CYB5R4: variants seen among roughly 807,000 people sequenced by gnomAD.
CYB5R4 encodes N-terminal cytochrome b5 and cytochrome b5 oxidoreductase domain-containing protein.
In CYB5R4, 55 loss-of-function variants were observed where a neutral mutation model predicts 70.2. The ratio of observed to expected loss-of-function variants is 0.78; its 90% CI spans 0.63 to 0.98. The LOEUF (loss-of-function observed/expected upper bound fraction) is 0.98. CYB5R4 is among the 50% of genes least tolerant of loss of function. The probability of loss-of-function intolerance (pLI) is 0.00; values close to 1 mark genes in which losing one functional copy is unlikely to be tolerated. For synonymous variants in CYB5R4, 197 were observed against 199.5 expected (o/e 0.99, Z 0.11); for missense variants, 562 against 612.6 (o/e 0.92, Z 0.87).
chr6:83,925,127 G>A (rs947700047), intron 10 of CYB5R4, among the ~76,000 whole-genome samples: 1 of 152,100 alleles, frequency 6.6e-6, no homozygotes, highest in African/African-American at 2.4e-5. Context: ...GCATGGTCCT[G>A]GCATTTGCTT....
In CYB5R4 at chr6:83,963,333, T is replaced by C. The variant is rs888912286; in HGVS notation, c.*3455T>C. ...CCCACCCCAAAAGAGTCAACTTCAT[T>C]ATGCTGGCAAAGGCATGGGTACAAC... is the stretch of plus-strand genomic sequence containing the variant. On this transcript the variant is annotated 3_prime_UTR_variant, in exon 16 of 16. Coordinates refer to ENST00000369681, the MANE Select transcript of CYB5R4 (RefSeq NM_016230.4). 1 of 152,218 alleles carries C rather than the reference T, an allele frequency of 6.6e-6. No homozygotes were observed. Among genetic ancestry groups the C allele is most frequent in the African/African-American group, 2.4e-5 (1 of 41,450 alleles). The allele number at this position is 152,218 out of a possible 1,614,324, so 9.4% of individuals were successfully genotyped here. A position where few individuals can be genotyped will look rare whatever the true frequency, so the allele number is the denominator to read the frequency against.
At position 83,960,840 on chromosome 6, in the gene CYB5R4, C is replaced by T. The variant is rs1456217778; in HGVS notation, c.*962C>T. The T allele has an allele frequency of 1.3e-5, 2 of 152,210 alleles. No homozygotes were observed. The highest frequency in any genetic ancestry group is 6.5e-5 in the Admixed American group (1 of 15,280). The allele number at this position is 152,210 out of a possible 1,614,324, so 9.4% of individuals were successfully genotyped here. A position where few individuals can be genotyped will look rare whatever the true frequency, so the allele number is the denominator to read the frequency against. ...GCATGTGGGCAACTTATTTTCTCTTCCTGCTGCTTTGTGCAACTGTCAAAT... is the reference window on the plus strand; with the variant it reads ...GCATGTGGGCAACTTATTTTCTCTTTCTGCTGCTTTGTGCAACTGTCAAAT... On this transcript the variant is annotated 3_prime_UTR_variant, in exon 16 of 16. Coordinates refer to ENST00000369681, the MANE Select transcript of CYB5R4 (RefSeq NM_016230.4).
intron 10 of CYB5R4, among the ~76,000 whole-genome samples, chr6:83,930,153 T>C (rs936480847): frequency 6.6e-6 from 1 of 152,140 alleles, no homozygotes; most frequent in Non-Finnish European, 1.5e-5. Flanking sequence ...TCATAATCTT[T>C]TTGCTGGTGG....
intron 2 of CYB5R4, among the ~76,000 whole-genome samples, chr6:83,888,055 A>T (rs971832226): frequency 6.6e-6 from 1 of 152,210 alleles, no homozygotes; most frequent in Admixed American, 6.5e-5. Flanking sequence ...TATCAATTTG[A>T]GATTATATCT....
At chr6:83,917,558 G>A (rs953443224) in intron 5 of CYB5R4, among the ~76,000 whole-genome samples, 2 of 152,114 alleles carry the variant, frequency 1.3e-5, no homozygotes, top group Non-Finnish European at 2.9e-5. Context: ...CCAAGCTGAT[G>A]AATTCAGTAG....
intron 3 of CYB5R4, among the ~76,000 whole-genome samples, chr6:83,900,007 A>G (rs2099462625): frequency 6.6e-6 from 1 of 151,998 alleles, no homozygotes; most frequent in African/African-American, 2.4e-5. Context: ...GCCTTCTGCT[A>G]GCTTTTGAAT....
chr6:83,864,406 T>C lies in CYB5R4; in HGVS notation c.229+78T>C, dbSNP rs994763953. Reference sequence around the variant, plus strand: ...ATGATGTTACATAACCTCACAGTCATGTTATTTTAAACAATTGACAATTTA... The same window carrying C: ...ATGATGTTACATAACCTCACAGTCACGTTATTTTAAACAATTGACAATTTA... On this transcript the variant is annotated intron_variant, in intron 2 of 15. Coordinates refer to ENST00000369681, the MANE Select transcript of CYB5R4 (RefSeq NM_016230.4). The C allele has an allele frequency of 1.0e-5, 13 of 1,300,994 alleles. No homozygotes were observed. The African/African-American group carries it at 1.8e-4, about 18-fold the overall frequency. 80.6% of individuals were successfully genotyped at this position (1,300,994 alleles called of 1,614,324 possible). A position where few individuals can be genotyped will look rare whatever the true frequency, so the allele number is the denominator to read the frequency against.
rs958748593 is a variant in CYB5R4 at position 83,937,380 on chromosome 6, A to G, written c.1108+1004A>G. The stretch of plus-strand genomic sequence containing the variant: ...AACCCTCAATAACTAACATTTGTTC[A>G]TAGCTCTTTTATAAGAATAAATATA... On this transcript the variant is annotated intron_variant, in intron 12 of 15. Transcript: ENST00000369681. Among the ~76,000 whole-genome samples the G allele has an allele frequency of 4.6e-5, 7 of 152,332 alleles. No individual in the cohort carries two copies. The South Asian group carries it at 1.0e-3, about 23-fold the overall frequency.
chr6:83,882,467 C>T (rs1562829545), intron 2 of CYB5R4, among the ~76,000 whole-genome samples: 3 of 152,194 alleles, frequency 2.0e-5, no homozygotes, highest in Non-Finnish European at 1.5e-5. Flanking sequence ...TGTGTCCAGT[C>T]GAGTTAATTG....
chr6:83,934,473 G>A, intron 10 of CYB5R4, 122 bp from the exon 11 acceptor site: 1 of 615,654 alleles, frequency 1.6e-6, no homozygotes, highest in Non-Finnish European at 2.7e-6. Flanking sequence ...TAAATGTATA[G>A]GCATTTTAGT....
chr6:83,878,953 A>G (rs1272711511), intron 2 of CYB5R4, among the ~76,000 whole-genome samples: 1 of 152,024 alleles, frequency 6.6e-6, no homozygotes, highest in African/African-American at 2.4e-5. Flanking sequence ...CTTACCCTAT[A>G]TATCTTTGCA....
chr6:83,871,990 A>G (rs2099457713), intron 2 of CYB5R4, among the ~76,000 whole-genome samples: 1 of 151,502 alleles, frequency 6.6e-6, no homozygotes, highest in Non-Finnish European at 1.5e-5. Flanking sequence ...TTGTTGTTTC[A>G]TTACTTGTTG....
rs1298336747 is a variant in CYB5R4 at position 83,924,518 on chromosome 6, A to C, written c.740A>C (p.Lys247Thr). The C allele has an allele frequency of 3.1e-6, 5 of 1,613,700 alleles. No homozygotes were observed. The African/African-American group carries it at 6.7e-5, about 22-fold the overall frequency. The change falls in exon 10 of 16, where the codon AAA becomes ACA. Residue 247 changes from lysine to threonine, a missense_variant. Transcript: ENST00000369681. ...VGKIEIVLQKKENTSWDFLGH... is the reference protein window; with the variant it reads ...VGKIEIVLQKTENTSWDFLGH... ...AAAATAGAGATTGTTCTACAAAAAA[A>C]AGAGAATACTTCTTGGGACTTTCTT...
intron 3 of CYB5R4, among the ~76,000 whole-genome samples, chr6:83,901,709 T>A (rs2099462999): frequency 6.6e-6 from 1 of 151,902 alleles, no homozygotes; most frequent in South Asian, 2.1e-4. Flanking sequence ...TTTCTTGTTT[T>A]TTTTTTTGTA....
chr6:83,924,383 A>C, intron 9 of CYB5R4, 87 bp from the exon 10 acceptor site: 1 of 1,373,386 alleles, frequency 7.3e-7, no homozygotes, highest in Non-Finnish European at 1.0e-6. Flanking sequence ...AGATCAGGAC[A>C]CTTGTACTAT....
intron 8 of CYB5R4, 65 bp downstream of exon 8, chr6:83,921,240 T>C (rs2099466328): frequency 1.5e-6 from 2 of 1,325,184 alleles, no homozygotes; most frequent in South Asian, 1.4e-5. Flanking sequence ...AATAACTTGG[T>C]CTACAGTCTA....
chr6:83,931,928 C>A (rs891836535), intron 10 of CYB5R4, among the ~76,000 whole-genome samples: 3 of 150,708 alleles, frequency 2.0e-5, no homozygotes, highest in African/African-American at 7.3e-5. Context: ...TTAGGTATAT[C>A]TCCTAATGCT....
chr6:83,893,493 G>A (rs760826832), intron 2 of CYB5R4, 29 bp from the exon 3 acceptor site: 12 of 1,321,768 alleles, frequency 9.1e-6, no homozygotes, highest in African/African-American at 1.5e-5. Flanking sequence ...AGTTCATTTA[G>A]GATATTATTT....
At chr6:83,940,330 A>G (rs752692271) in intron 13 of CYB5R4, 124 bp downstream of exon 13, 1 of 1,124,262 alleles carries the variant, frequency 8.9e-7, no homozygotes. Context: ...ATCATTTCTT[A>G]CTTTGCCTCC....
Sources: gnomAD v4.1 joint callset for allele counts (sites outside exome capture counted in the v4.1 genomes callset) on GRCh38, gnomAD v4.1.1 for gene constraint, MANE v1.5 for transcripts, NCBI Gene and HGNC (gene_info 2026-07-23, HGNC 2026-07-21) for gene names.